Variants in TMEM255A observed in about 807,000 individuals in gnomAD.
TMEM255A encodes transmembrane protein 255A, also known as family with sequence similarity 70, member A.
Under a neutral mutation model 23.5 loss-of-function variants are expected in TMEM255A, and 14 were observed. That is an observed-to-expected ratio of 0.60 (90% CI 0.39 to 0.93). The LOEUF is 0.93. TMEM255A is among the 40% of genes least tolerant of loss of function. The pLI is 0.00. For missense variants in TMEM255A, 233 were observed against 261.7 expected (o/e 0.89, Z 0.76); for synonymous variants, 104 against 100.3 (o/e 1.04, Z -0.22).
At chrX:120,280,890 T>C (rs1187686855) in intron 6 of TMEM255A, among the ~76,000 whole-genome samples, 2 of 107,768 alleles carry the variant, frequency 1.9e-5, no homozygotes, top group African/African-American at 6.8e-5. Context: ...GTTCTCTGCC[T>C]ATCCTAATCT....
chrX:120,261,061 A>C, intron 8 of TMEM255A, 33 bp from the exon 9 acceptor site: 1 of 1,178,812 alleles, frequency 8.5e-7, no homozygotes, highest in Non-Finnish European at 1.1e-6. Flanking sequence ...TAGTTTAGGC[A>C]GTGAGTTTGC....
rs782463111 is a variant in TMEM255A, at chrX:120,277,037, T to C, written c.523A>G (p.Ile175Val). 2.6e-4 allele frequency: 311 copies of C among 1,206,647 alleles called. 5 individuals are homozygous for C. The South Asian group carries it at 5.3e-3, about 21-fold the overall frequency. Residue 175 changes from isoleucine (I) to valine (V), a missense_variant, in exon 7 of 9, where the codon ATC becomes GTC. Coordinates refer to ENST00000371369, the MANE Select transcript of TMEM255A (RefSeq NM_001104544.3). Reference sequence around the variant, plus strand: ...ATGTATTCGTAGTACCCACCAGTGATCTCCACCCGGCTGGACAGGGAGGAG... The same window carrying C: ...ATGTATTCGTAGTACCCACCAGTGACCTCCACCCGGCTGGACAGGGAGGAG... Reference protein sequence around the residue: ...DLYNCGNRVEITGGYYEYIDV... With the variant: ...DLYNCGNRVEVTGGYYEYIDV...
chrX:120,298,062 A>C (rs1400727250), intron 2 of TMEM255A, among the ~76,000 whole-genome samples: 2 of 110,120 alleles, frequency 1.8e-5, no homozygotes, highest in Non-Finnish European at 3.8e-5. Flanking sequence ...TACCTGAACA[A>C]ATAACTAGTT....
rs2057979978 is a variant in TMEM255A at position 120,296,883 on chromosome X, ATTATATATGATATATATAATATTATAT to A, written c.202-2859_202-2833del. On this transcript the variant is annotated intron_variant, in intron 2 of 8. Transcript: ENST00000371369. Reference sequence around the variant, plus strand: ...ATATAATATATTATATATCATATATATTATATATGATATATATAATATTATATATATATTATATATAATATTATATAT... The same window carrying A: ...ATATAATATATTATATATCATATATAATATATTATATATAATATTATATAT... 2.4e-3 allele frequency among the ~76,000 whole-genome samples: 17 copies of A among 6,992 alleles called. 1 individual carries two copies. Among genetic ancestry groups the A allele is most frequent in the South Asian group, 0.016 (1 of 63 alleles). The allele number at this position is 6,992 out of a possible 115,157, so 6.1% of individuals were successfully genotyped here.
intron 2 of TMEM255A, among the ~76,000 whole-genome samples, chrX:120,298,695 T>A (rs921364610): frequency 6.3e-5 from 7 of 111,273 alleles, no homozygotes; most frequent in Non-Finnish European, 1.9e-5. Flanking sequence ...AGGGCCTATA[T>A]AAACAAAGCT....
chrX:120,271,050 T>C (rs1184734094), intron 7 of TMEM255A, among the ~76,000 whole-genome samples: 1 of 111,212 alleles, frequency 9.0e-6, no homozygotes, highest in Non-Finnish European at 1.9e-5. Context: ...TTTGCTTTCA[T>C]TTTTTTTCTG....
chrX:120,278,048 A>T (rs2057811203), intron 6 of TMEM255A, among the ~76,000 whole-genome samples: 2 of 110,150 alleles, frequency 1.8e-5, no homozygotes, highest in African/African-American at 6.7e-5. Flanking sequence ...GCTTTATAAG[A>T]AAAGGAAGAT....
intron 2 of TMEM255A, among the ~76,000 whole-genome samples, chrX:120,300,638 G>A (rs1306891749): frequency 7.2e-5 from 7 of 97,838 alleles, no homozygotes; most frequent in South Asian, 5.1e-4. Flanking sequence ...CAAGTGATCC[G>A]CCTGCTTCAG....
At position 120,285,198 on chromosome X, in the gene TMEM255A, G is replaced by T; in HGVS notation, c.441C>A (p.Leu147=). Residue 147 remains leucine, a synonymous_variant, in exon 6 of 9, where the codon CTC becomes CTA. Coordinates refer to ENST00000371369, the MANE Select transcript of TMEM255A (RefSeq NM_001104544.3). ...KEAEEVNCPH[L]SREFCTPRIR... Reference sequence around the variant, plus strand: ...TGCGAGGTGTGCAGAATTCACGGCTGAGGTGAGGGCAGTTAACCTGACGGT... The same window carrying T: ...TGCGAGGTGTGCAGAATTCACGGCTTAGGTGAGGGCAGTTAACCTGACGGT... 1 of 1,210,337 alleles carries T rather than the reference G, an allele frequency of 8.3e-7. No homozygotes were observed. Among genetic ancestry groups the T allele is most frequent in the Non-Finnish European group, 1.1e-6 (1 of 894,054 alleles).
intron 6 of TMEM255A, among the ~76,000 whole-genome samples, chrX:120,277,372 T>A (rs192235779): frequency 1.8e-5 from 2 of 112,481 alleles, no homozygotes; most frequent in East Asian, 5.5e-4. Context: ...TCATTGCATC[T>A]GTGCTGTTTA....
Position 120,260,681 on chromosome X carries a change from C to T in TMEM255A, c.*189G>A, listed in dbSNP as rs2147175740. The stretch of plus-strand genomic sequence containing the variant: ...GAATGTGAGCTGCCCTTCTGTGCTG[C>T]GTTCAGCCTGACCACCCCTGCTCTG... On this transcript the variant is annotated 3_prime_UTR_variant, in exon 9 of 9. Coordinates refer to ENST00000371369, the MANE Select transcript of TMEM255A (RefSeq NM_001104544.3). 2 of 500,960 alleles carry T rather than the reference C, an allele frequency of 4.0e-6. No homozygotes were observed. The highest frequency in any genetic ancestry group is 4.4e-5 in the East Asian group (1 of 22,639). 41.3% of individuals were successfully genotyped at this position (500,960 alleles called of 1,213,427 possible). A position where few individuals can be genotyped will look rare whatever the true frequency, so the allele number is the denominator to read the frequency against.
Position 120,287,310 on chromosome X carries a change from C to CAA in TMEM255A, c.355-89_355-88insTT, listed in dbSNP as rs781963448. ...TACTTGGTAATAAAAGGTTTGAATA[C>CAA]ACACACACACACACACACACACACA... On this transcript the variant is annotated intron_variant, in intron 4 of 8. Transcript: ENST00000371369. 4.4e-3 allele frequency: 1,733 copies of CAA among 392,627 alleles called. 17 individuals are homozygous for CAA. The highest frequency in any genetic ancestry group is 6.1e-3 in the Non-Finnish European group (1,344 of 220,923). The allele number at this position is 392,627 out of a possible 1,213,427, so 32.4% of individuals were successfully genotyped here. A position where few individuals can be genotyped will look rare whatever the true frequency, so the allele number is the denominator to read the frequency against.
intron 2 of TMEM255A, among the ~76,000 whole-genome samples, chrX:120,299,595 A>G (rs1267680901): frequency 1.8e-5 from 2 of 112,000 alleles, no homozygotes; most frequent in African/African-American, 3.2e-5. Context: ...GATTACAGGC[A>G]TGAGCCACTG....
At chrX:120,297,534 T>C (rs1328722113) in intron 2 of TMEM255A, among the ~76,000 whole-genome samples, 1 of 110,534 alleles carries the variant, frequency 9.0e-6, no homozygotes, top group African/African-American at 3.3e-5. Context: ...CAATCTTCCA[T>C]TTCAAAAGCA....
chrX:120,269,162 A>C (rs1454717108), intron 7 of TMEM255A, among the ~76,000 whole-genome samples: 1 of 110,030 alleles, frequency 9.1e-6, no homozygotes, highest in Non-Finnish European at 1.9e-5. Flanking sequence ...CGATGCAGAC[A>C]TAATTTTATA....
At position 120,277,026 on chromosome X, in the gene TMEM255A, C is replaced by T. The variant is rs1703921838; in HGVS notation, c.534G>A (p.Gly178=). 1 of 1,209,440 alleles carries T rather than the reference C, an allele frequency of 8.3e-7. No individual in the cohort carries two copies. Among genetic ancestry groups the T allele is most frequent in the African/African-American group, 1.7e-5 (1 of 57,588 alleles). Residue 178 remains glycine, a synonymous_variant, in exon 7 of 9, where the codon GGG becomes GGA. Coordinates refer to ENST00000371369, the MANE Select transcript of TMEM255A (RefSeq NM_001104544.3). The part of the protein sequence containing the change: ...NCGNRVEITG[G]YYEYIDVSSC... ...TGCTGACATCGATGTATTCGTAGTA[C>T]CCACCAGTGATCTCCACCCGGCTGG...
chrX:120,260,862 A>G lies in TMEM255A; in HGVS notation c.*8T>C. ...ACAATAATCTCAATAGCCAGCAGGC[A>G]TTCCTCTTTAGGGACTGTAAGGTGG... On this transcript the variant is annotated 3_prime_UTR_variant, in exon 9 of 9. Transcript: ENST00000371369. The G allele has an allele frequency of 1.7e-6, 2 of 1,204,989 alleles. No homozygotes were observed. Among genetic ancestry groups the G allele is most frequent in the Non-Finnish European group, 1.1e-6 (1 of 893,042 alleles).
Position 120,260,001 on chromosome X carries a change from G to A in TMEM255A, c.*869C>T, listed in dbSNP as rs982442023. On this transcript the variant is annotated 3_prime_UTR_variant, in exon 9 of 9. Transcript: ENST00000371369. ...TATTTGAAGATTAAATAGTCACAAA[G>A]ATTAGTAACAATTCATATCACGACC... is the stretch of plus-strand genomic sequence containing the variant. The A allele has an allele frequency of 8.5e-5, 29 of 339,371 alleles. No homozygotes were observed. The highest frequency in any genetic ancestry group is 2.8e-4 in the Admixed American group (3 of 10,868). 28.0% of individuals were successfully genotyped at this position (339,371 alleles called of 1,213,427 possible).
intron 5 of TMEM255A, chrX:120,285,495 G>C: frequency 1.1e-6 from 1 of 912,100 alleles, no homozygotes. Context: ...TGGAAGGACA[G>C]ACGGAAGAAC....
Sources: gnomAD v4.1 joint callset for allele counts (sites outside exome capture counted in the v4.1 genomes callset) on GRCh38, gnomAD v4.1.1 for gene constraint, MANE v1.5 for transcripts, NCBI Gene and HGNC (gene_info 2026-07-23, HGNC 2026-07-21) for gene names.